The following UNC5A variants were observed in gnomAD, a reference collection of about 807,000 sequenced individuals.
UNC5A encodes the protein netrin receptor UNC5A.
In UNC5A, 20 loss-of-function variants were observed where a neutral mutation model predicts 87.4. The ratio of observed to expected loss-of-function variants is 0.23; its 90% CI spans 0.16 to 0.33. The LOEUF is 0.33. Among genes scored for constraint, UNC5A ranks in the 10% least tolerant of loss-of-function variants. The pLI is 1.00. For missense variants in UNC5A, 844 were observed against 1,133.4 expected, an observed-to-expected ratio of 0.74 and a Z score of 3.67; for synonymous variants, 438 against 482.3, an observed-to-expected ratio of 0.91 and a Z score of 1.20.
chr5:176,870,596 G>C (rs1226063554), intron 6 of UNC5A, 62 bp downstream of exon 6: 7 of 1,505,664 alleles, frequency 4.6e-6, no homozygotes, highest in Non-Finnish European at 6.2e-6. Flanking sequence ...CCCAGCCCTG[G>C]GGAGGTGGGG....
At chr5:176,826,280 G>A (rs1756850834) in intron 1 of UNC5A, among the ~76,000 whole-genome samples, 1 of 152,194 alleles carries the variant, frequency 6.6e-6, no homozygotes, top group African/African-American at 2.4e-5. Context: ...TCTATGAAAT[G>A]GGAAGAATGA....
chr5:176,839,557 G>A (rs1340909653), intron 1 of UNC5A, among the ~76,000 whole-genome samples: 1 of 152,206 alleles, frequency 6.6e-6, no homozygotes, highest in Non-Finnish European at 1.5e-5. Flanking sequence ...ACATGGCCTA[G>A]GCTGTCTCCT....
At position 176,862,732 on chromosome 5, in the gene UNC5A, C is replaced by T. The variant is rs765604473; in HGVS notation, c.179C>T (p.Pro60Leu). 16 of 1,613,522 alleles carry T rather than the reference C, an allele frequency of 9.9e-6. No homozygotes were observed. Among genetic ancestry groups the T allele is most frequent in the African/African-American group, 1.3e-5 (1 of 74,946 alleles). ...GATGTGTACATCGTCAAGAACAAGC[C>T]AGTGCTGCTTGTGTGCAAGGCCGTG... is the stretch of plus-strand genomic sequence containing the variant. ...PEDVYIVKNK[P>L]VLLVCKAVPA... is the part of the protein sequence containing the mutation. The change falls in exon 2 of 15, where the codon CCA becomes CTA. Residue 60 changes from proline (P) to leucine (L), a missense_variant. This residue lies in a region of UNC5A where 314 missense variants were observed against 466.5 expected (regional missense o/e 0.67). Transcript: ENST00000329542.
intron 9 of UNC5A, 84 bp from the exon 10 acceptor site, chr5:176,877,451 G>A: frequency 6.8e-7 from 1 of 1,472,216 alleles, no homozygotes; most frequent in Non-Finnish European, 9.2e-7. Context: ...CTGGGATGCT[G>A]CTGCCCTGCC....
chr5:176,863,456 G>C (rs939862246), intron 2 of UNC5A, among the ~76,000 whole-genome samples: 2 of 152,116 alleles, frequency 1.3e-5, no homozygotes, highest in African/African-American at 4.8e-5. Context: ...GCCAGAGTTG[G>C]GGCTGATGGA....
At chr5:176,878,168 C>A in intron 11 of UNC5A, 41 bp downstream of exon 11, 1 of 1,603,968 alleles carries the variant, frequency 6.2e-7, no homozygotes, top group South Asian at 1.1e-5. Context: ...GGAGGCCGAG[C>A]TATGCCTGGC....
Position 176,878,016 on chromosome 5 carries a change from C to T in UNC5A, c.1758C>T (p.Ser586=), listed in dbSNP as rs754520190. ...GRFALVGEAL[S]VAAAKRLKLL... ...TTGCCCTGGTGGGAGAGGCCCTCAG[C>T]GTGGCTGCCGCCAAGCGCCTCAAGC... is the stretch of plus-strand genomic sequence containing the variant. Residue 586 remains serine (S), a synonymous_variant, in exon 11 of 15, where the codon AGC becomes AGT. Coordinates refer to ENST00000329542, the MANE Select transcript of UNC5A (RefSeq NM_133369.3). 6.8e-6 allele frequency: 11 copies of T among 1,607,500 alleles called. No individual in the cohort carries two copies. Among genetic ancestry groups the T allele is most frequent in the South Asian group, 4.4e-5 (4 of 91,090 alleles).
intron 1 of UNC5A, among the ~76,000 whole-genome samples, chr5:176,816,917 T>A (rs976403740): frequency 6.6e-6 from 1 of 152,212 alleles, no homozygotes; most frequent in African/African-American, 2.4e-5. Flanking sequence ...CATTCTGGGC[T>A]GGGGACAGGC....
rs199816390 is a variant in UNC5A at position 176,839,138 on chromosome 5, C to T, written c.71-23486C>T. Among the ~76,000 whole-genome samples the T allele has an allele frequency of 8.5e-5, 13 of 152,340 alleles. No homozygotes were observed. In the East Asian group the frequency reaches 2.3e-3, roughly 27 times the overall value. On this transcript the variant is annotated intron_variant, in intron 1 of 14. Transcript: ENST00000329542. ...TGATGCCCTGTGCCACCTTCCAGGCCCCTCTCAAAGGCGACTGCCTCCCTT... is the reference window on the plus strand; with the variant it reads ...TGATGCCCTGTGCCACCTTCCAGGCTCCTCTCAAAGGCGACTGCCTCCCTT...
chr5:176,876,698 A>G (rs1399885152), intron 8 of UNC5A, among the ~76,000 whole-genome samples: 9 of 152,016 alleles, frequency 5.9e-5, no homozygotes, highest in Non-Finnish European at 1.2e-4. Context: ...AGCAAGGGAG[A>G]GGGGAGCTGG....
At chr5:176,820,058 C>G (rs1020341149) in intron 1 of UNC5A, among the ~76,000 whole-genome samples, 1 of 151,652 alleles carries the variant, frequency 6.6e-6, no homozygotes, top group African/African-American at 2.4e-5. Context: ...GTCAGGAGAT[C>G]GAGACCATCC....
At position 176,878,340 on chromosome 5, in the gene UNC5A, A is replaced by G; in HGVS notation, c.1966A>G (p.Ile656Val). The part of the protein sequence containing the change: ...KDSYHNLRLS[I>V]HDVPSSLWKS... ...CAGTTACCACAACCTGCGCCTATCC[A>G]TCCACGATGTGCCCAGCTCCCTGTG... Residue 656 changes from isoleucine (I) to valine (V), a missense_variant, in exon 12 of 15, where the codon ATC (isoleucine) becomes GTC (valine). By Grantham distance (29) the Ile-to-Val change is conservative. Coordinates refer to ENST00000329542, the MANE Select transcript of UNC5A (RefSeq NM_133369.3). The G allele has an allele frequency of 6.2e-7, 1 of 1,613,574 alleles. No individual in the cohort carries two copies. Among genetic ancestry groups the G allele is most frequent in the Non-Finnish European group, 8.5e-7 (1 of 1,180,008 alleles).
chr5:176,839,873 G>A (rs116762274), intron 1 of UNC5A, among the ~76,000 whole-genome samples: 14 of 143,166 alleles, frequency 9.8e-5, no homozygotes, highest in Non-Finnish European at 1.6e-4. Context: ...CTGGAATGCA[G>A]TGGTAAGATC....
intron 1 of UNC5A, among the ~76,000 whole-genome samples, chr5:176,847,688 C>T (rs1171917798): frequency 1.3e-5 from 2 of 151,534 alleles, no homozygotes; most frequent in Non-Finnish European, 2.9e-5. Flanking sequence ...TAAATACCCA[C>T]ACAGAGAGAC....
chr5:176,817,224 G>A (rs565807218), intron 1 of UNC5A, among the ~76,000 whole-genome samples: 41 of 149,860 alleles, frequency 2.7e-4, no homozygotes, highest in Middle Eastern at 3.4e-3. Flanking sequence ...AGCTGTGTCC[G>A]TCTGGAAGGC....
At chr5:176,820,942 G>A (rs986380925) in intron 1 of UNC5A, among the ~76,000 whole-genome samples, 4 of 152,148 alleles carry the variant, frequency 2.6e-5, no homozygotes, top group East Asian at 1.9e-4. Context: ...CCAGTCTTCC[G>A]CCAGTGCTTC....
Position 176,869,351 on chromosome 5 carries a change from C to A in UNC5A, c.721+387C>A, listed in dbSNP as rs1246677863. 3.9e-5 allele frequency among the ~76,000 whole-genome samples: 6 copies of A among 152,120 alleles called. No homozygotes were observed. Among genetic ancestry groups the A allele is most frequent in the Non-Finnish European group, 8.8e-5 (6 of 67,972 alleles). ...GAGTCACCCCAGGAGAGGCTGGGGT[C>A]TGGGCTGCAGGAGTGTGTGAGCCGC... On this transcript the variant is annotated intron_variant, in intron 5 of 14. Transcript: ENST00000329542. This position sits in a 1 kb window ranked among gnomAD's most constrained non-coding sequence, Gnocchi z 9.1.
In UNC5A at chr5:176,865,672, G is replaced by A. The variant is rs1488384079; in HGVS notation, c.293-2458G>A. 1.5e-5 allele frequency: 7 copies of A among 456,654 alleles called. No individual in the cohort carries two copies. Among genetic ancestry groups the A allele is most frequent in the Middle Eastern group, 3.3e-4 (1 of 3,076 alleles). The allele number at this position is 456,654 out of a possible 1,614,324, so 28.3% of individuals were successfully genotyped here. ...GCAGATACCACGGCAGTGGCGCCAC[G>A]CCGCCAAAGACCAAAGACCCCAAAC... On this transcript the variant is annotated intron_variant, in intron 2 of 14. Transcript: ENST00000329542. This position sits in a 1 kb window ranked among gnomAD's most constrained non-coding sequence, Gnocchi z 5.3.
In UNC5A at chr5:176,877,688, C is replaced by A; in HGVS notation, c.1620C>A (p.Cys540Ter). The change falls in exon 10 of 15, where the codon TGC (cysteine) becomes TGA (stop). Residue 540 changes from cysteine (C) to a stop codon, truncating the protein, a stop_gained. Transcript: ENST00000329542. LOFTEE classifies it high-confidence loss of function. ...SWSLRLKKQS[C>*]EGSWEDVLHL... ...GCCTGCGCCTCAAAAAGCAGTCGTG[C>A]GAGGGCAGCTGGGAGGTGAGCAGGG... 1 of 1,604,630 alleles carries A rather than the reference C, an allele frequency of 6.2e-7. No homozygotes were observed. Among genetic ancestry groups the A allele is most frequent in the South Asian group, 1.1e-5 (1 of 90,478 alleles).
Sources: allele counts gnomAD v4.1 joint callset (sites outside exome capture counted in the v4.1 genomes callset), GRCh38; gene constraint gnomAD v4.1.1; regional missense constraint gnomAD v4.1.1; non-coding constraint Gnocchi (gnomAD v3.1); transcripts MANE v1.5; gene names NCBI Gene and HGNC (gene_info 2026-07-23, HGNC 2026-07-21).